CAMKK1: variants seen among roughly 807,000 people sequenced by gnomAD.
CAMKK1 encodes calcium/calmodulin dependent protein kinase kinase 1.
CAMKK1 carries 20 observed loss-of-function variants against 63.5 expected under a neutral mutation model. The observed-to-expected ratio is 0.32, with a 90% CI of 0.22 to 0.46. CAMKK1 has a LOEUF of 0.46. Ranked by LOEUF, CAMKK1 falls within the 20% of genes least tolerant of loss-of-function variation. The pLI, the probability that CAMKK1 is intolerant of heterozygous loss-of-function variation, is 1.00. For synonymous variants in CAMKK1, 253 were observed against 269.0 expected (o/e 0.94, Z 0.58); for missense variants, 588 against 658.1 (o/e 0.89, Z 1.17).
chr17:3,890,867 T>C lies in CAMKK1; in HGVS notation c.-44+2072A>G. 1.4e-6 allele frequency: 1 copy of C among 729,488 alleles called. No homozygotes were observed. 45.2% of individuals were successfully genotyped at this position (729,488 alleles called of 1,614,324 possible). On this transcript the variant is annotated intron_variant, in intron 1 of 15. Coordinates refer to ENST00000348335, the MANE Select transcript of CAMKK1 (RefSeq NM_032294.3). This position sits in a 1 kb window ranked among gnomAD's most constrained non-coding sequence, Gnocchi z 6.5. ...CTTGATCTCCCCACTACCTGCTGGG[T>C]GAGCTCACCAAGTCAAACCCCTTAG...
Position 3,883,788 on chromosome 17 carries a change from G to T in CAMKK1, c.462+96C>A, listed in dbSNP as rs2055520572. 9.6e-6 allele frequency: 12 copies of T among 1,245,322 alleles called. No homozygotes were observed. The South Asian group carries it at 1.1e-4, about 11-fold the overall frequency. The allele number at this position is 1,245,322 out of a possible 1,614,324, so 77.1% of individuals were successfully genotyped here. ...GGGACAGGGAGCTCACTCTCAGGCA[G>T]CCCTGTCCTCTATCTCCTAAGCACA... On this transcript the variant is annotated intron_variant, in intron 4 of 15. Coordinates refer to ENST00000348335, the MANE Select transcript of CAMKK1 (RefSeq NM_032294.3). The surrounding 1 kb of genome is among the most constrained non-coding windows in gnomAD (Gnocchi z 4.7).
rs769749999 is a variant in CAMKK1, at chr17:3,884,478, G to C, written c.361-51C>G. 25 of 1,568,896 alleles carry C rather than the reference G, an allele frequency of 1.6e-5. No homozygotes were observed. The highest frequency in any genetic ancestry group is 2.2e-5 in the Non-Finnish European group (25 of 1,143,448). On this transcript the variant is annotated intron_variant, in intron 2 of 15. Transcript: ENST00000348335. This position sits in a 1 kb window ranked among gnomAD's most constrained non-coding sequence, Gnocchi z 4.5. The stretch of plus-strand genomic sequence containing the variant: ...TGGAGCTGGGTCCGGAGGCAGCACT[G>C]CTCCTACCTCAGAGCCCGTTCAGGG...
intron 14 of CAMKK1, among the ~76,000 whole-genome samples, chr17:3,868,842 G>A (rs1447418434): frequency 3.3e-5 from 5 of 151,114 alleles, no homozygotes; most frequent in South Asian, 4.2e-4. Flanking sequence ...TTTAGTAGAG[G>A]TGGGGTTTCG....
Position 3,882,281 on chromosome 17 carries a change from C to T in CAMKK1, c.685+247G>A. ...CCTGAGCGCGCAGCCCACGTGGATC[C>T]ACTGTCTTGCTGCTCAGAGGGAAGC... is the stretch of plus-strand genomic sequence containing the variant. On this transcript the variant is annotated intron_variant, in intron 7 of 15. Transcript: ENST00000348335. The surrounding 1 kb of genome is among the most constrained non-coding windows in gnomAD (Gnocchi z 4.3). 6.2e-7 allele frequency: 1 copy of T among 1,614,024 alleles called. No individual in the cohort carries two copies. The highest frequency in any genetic ancestry group is 8.5e-7 in the Non-Finnish European group (1 of 1,179,926).
rs561293146 is a variant in CAMKK1, at chr17:3,887,108, C to T, written c.-43-1378G>A. Among the ~76,000 whole-genome samples the T allele has an allele frequency of 1.3e-5, 2 of 152,252 alleles. No homozygotes were observed. The highest frequency in any genetic ancestry group is 1.9e-4 in the East Asian group (1 of 5,172). On this transcript the variant is annotated intron_variant, in intron 1 of 15. Transcript: ENST00000348335. The surrounding 1 kb of genome is among the most constrained non-coding windows in gnomAD (Gnocchi z 6.1). ...CGAGGCAGGGCTGGCTGGAGTCCAC[C>T]GGCCACTGAGGAGCCAGGACTGGGT...
In CAMKK1 at chr17:3,882,418, C is replaced by G. The variant is rs769465104; in HGVS notation, c.685+110G>C. 1 of 1,585,652 alleles carries G rather than the reference C, an allele frequency of 6.3e-7. No individual in the cohort carries two copies. The highest frequency in any genetic ancestry group is 2.2e-5 in the East Asian group (1 of 44,704). ...TCAGAACGTGTGTTTTTCTTCTGTC[C>G]CCAGGAGGTCAGTGCATTTACACCG... On this transcript the variant is annotated intron_variant, in intron 7 of 15. Coordinates refer to ENST00000348335, the MANE Select transcript of CAMKK1 (RefSeq NM_032294.3). This position sits in a 1 kb window ranked among gnomAD's most constrained non-coding sequence, Gnocchi z 4.3.
In CAMKK1 at chr17:3,887,501, G is replaced by A. The variant is rs2055703729; in HGVS notation, c.-43-1771C>T. ...GAGGTGAAGGAGGTGAGGAGGCTGA[G>A]TGAGGCTAGAGTATCAGGGAGGCCT... On this transcript the variant is annotated intron_variant, in intron 1 of 15. Transcript: ENST00000348335. This position sits in a 1 kb window ranked among gnomAD's most constrained non-coding sequence, Gnocchi z 6.1. Among the ~76,000 whole-genome samples, 1 of 151,048 alleles carries A rather than the reference G, an allele frequency of 6.6e-6. No individual in the cohort carries two copies. The highest frequency in any genetic ancestry group is 2.4e-5 in the African/African-American group (1 of 41,012).
rs143787561 is a variant in CAMKK1, at chr17:3,892,846, A to AC, written c.-44+92dup. The AC allele has an allele frequency of 2.0e-3, 294 of 147,926 alleles. 1 individual carries two copies. The highest frequency in any genetic ancestry group is 5.0e-3 in the African/African-American group (203 of 40,520). 9.2% of individuals were successfully genotyped at this position (147,926 alleles called of 1,614,324 possible). A position where few individuals can be genotyped will look rare whatever the true frequency, so the allele number is the denominator to read the frequency against. On this transcript the variant is annotated intron_variant, in intron 1 of 15. Transcript: ENST00000348335. This position sits in a 1 kb window ranked among gnomAD's most constrained non-coding sequence, Gnocchi z 7.5. ...CTCCCTCGTAGACGCGGCCTGGCAG[A>AC]CCCCCCCCGCCTCTCCCTTGCAGGC... is the stretch of plus-strand genomic sequence containing the variant.
chr17:3,881,492 T>A, intron 8 of CAMKK1, 135 bp downstream of exon 8: 1 of 778,306 alleles, frequency 1.3e-6, no homozygotes, highest in East Asian at 2.8e-5. Context: ...CTTGGTCTCT[T>A]ATTTACCCCT....
At chr17:3,863,452 T>C (rs989580442) in intron 15 of CAMKK1, among the ~76,000 whole-genome samples, 2 of 152,202 alleles carry the variant, frequency 1.3e-5, no homozygotes, top group South Asian at 2.1e-4. Context: ...GAGTTGAGTT[T>C]GCGCCACTGC....
chr17:3,868,187 GCGCCGTCT>G lies in CAMKK1; in HGVS notation c.1341+1292_1341+1299del, dbSNP rs2054638397. ...TACGTGGGCTCTGGGGGAGAAGCAG[GCGCCGTCT>G]AACTGATACGTGGGCTCTGGGGGAG... is the stretch of plus-strand genomic sequence containing the variant. On this transcript the variant is annotated intron_variant, in intron 14 of 15. Transcript: ENST00000348335. Among the ~76,000 whole-genome samples the G allele has an allele frequency of 2.3e-3, 19 of 8,138 alleles. 6 individuals carry two copies. Among genetic ancestry groups the G allele is most frequent in the South Asian group, 0.01 (2 of 200 alleles). The allele number at this position is 8,138 out of a possible 152,430, so 5.3% of individuals were successfully genotyped here.
At chr17:3,864,399 A>C (rs1597435580) in intron 15 of CAMKK1, among the ~76,000 whole-genome samples, 1 of 151,958 alleles carries the variant, frequency 6.6e-6, no homozygotes, top group Non-Finnish European at 1.5e-5. Flanking sequence ...GGTGCCCGCC[A>C]CCACGCCCAG....
rs1311366940 is a variant in CAMKK1, at chr17:3,892,076, C to T, written c.-44+863G>A. On this transcript the variant is annotated intron_variant, in intron 1 of 15. Coordinates refer to ENST00000348335, the MANE Select transcript of CAMKK1 (RefSeq NM_032294.3). This position sits in a 1 kb window ranked among gnomAD's most constrained non-coding sequence, Gnocchi z 7.5. ...GCCAGCGCCACTTCCCTGGGATCCTCCAGCGCGCACAGGCTGTGTGCCCCT... is the reference window on the plus strand; with the variant it reads ...GCCAGCGCCACTTCCCTGGGATCCTTCAGCGCGCACAGGCTGTGTGCCCCT... Among the ~76,000 whole-genome samples the T allele has an allele frequency of 6.6e-6, 1 of 151,392 alleles. No homozygotes were observed.
chr17:3,867,812 G>GGGGCA (rs1233846888), intron 14 of CAMKK1, among the ~76,000 whole-genome samples: 1 of 152,184 alleles, frequency 6.6e-6, no homozygotes, highest in African/African-American at 2.4e-5. Flanking sequence ...CTGTCAGGCA[G>GGGGCA]GGGCAGGGCA....
rs1281594609 is a variant in CAMKK1, at chr17:3,869,678, G to A, written c.1213-63C>T. Reference sequence around the variant, plus strand: ...CAGGCCATTACCAGAATCACCTGGAGGGGTCCAAAGTCCACAGACTCAAAC... The same window carrying A: ...CAGGCCATTACCAGAATCACCTGGAAGGGTCCAAAGTCCACAGACTCAAAC... On this transcript the variant is annotated intron_variant, in intron 13 of 15. Coordinates refer to ENST00000348335, the MANE Select transcript of CAMKK1 (RefSeq NM_032294.3). The A allele has an allele frequency of 3.1e-6, 5 of 1,611,904 alleles. No homozygotes were observed. In the African/African-American group the frequency reaches 4.0e-5, roughly 13 times the overall value.
chr17:3,884,270 A>G lies in CAMKK1; in HGVS notation c.408+110T>C. 8.2e-7 allele frequency: 1 copy of G among 1,222,474 alleles called. No homozygotes were observed. Among genetic ancestry groups the G allele is most frequent in the Non-Finnish European group, 1.2e-6 (1 of 837,026 alleles). The allele number at this position is 1,222,474 out of a possible 1,614,324, so 75.7% of individuals were successfully genotyped here. On this transcript the variant is annotated intron_variant, in intron 3 of 15. Coordinates refer to ENST00000348335, the MANE Select transcript of CAMKK1 (RefSeq NM_032294.3). This position sits in a 1 kb window ranked among gnomAD's most constrained non-coding sequence, Gnocchi z 4.5. ...AGGGCACGAAACTGTCCTCACCTCC[A>G]GGCTAGGACTTGCCTGGCTCTGCCT... is the stretch of plus-strand genomic sequence containing the variant.
rs1000736647 is a variant in CAMKK1 at position 3,879,828 on chromosome 17, G to C, written c.796+518C>G. ...GTCCCTCCCACTAGGCCGTGAACTC[G>C]GGTCTGGGTCTTTCACCCCTATGCC... On this transcript the variant is annotated intron_variant, in intron 9 of 15. Coordinates refer to ENST00000348335, the MANE Select transcript of CAMKK1 (RefSeq NM_032294.3). This position sits in a 1 kb window ranked among gnomAD's most constrained non-coding sequence, Gnocchi z 4.5. 1 of 154,098 alleles carries C rather than the reference G, an allele frequency of 6.5e-6. No individual in the cohort carries two copies. The highest frequency in any genetic ancestry group is 2.4e-5 in the African/African-American group (1 of 41,476). 9.5% of individuals were successfully genotyped at this position (154,098 alleles called of 1,614,324 possible).
At chr17:3,864,480 C>T (rs997737902) in intron 15 of CAMKK1, among the ~76,000 whole-genome samples, 11 of 151,976 alleles carry the variant, frequency 7.2e-5, no homozygotes, top group Admixed American at 2.0e-4. Context: ...TCTCCTGACC[C>T]TGTGATCCAC....
intron 14 of CAMKK1, among the ~76,000 whole-genome samples, chr17:3,867,600 C>A (rs930491689): frequency 6.6e-6 from 1 of 152,126 alleles, no homozygotes; most frequent in African/African-American, 2.4e-5. Context: ...TAAGATCAGG[C>A]AAGTGGTCAT....
Sources: gnomAD v4.1 joint callset for allele counts (sites outside exome capture counted in the v4.1 genomes callset) on GRCh38, gnomAD v4.1.1 for gene constraint, Gnocchi (gnomAD v3.1) non-coding constraint, MANE v1.5 for transcripts, NCBI Gene and HGNC (gene_info 2026-07-23, HGNC 2026-07-21) for gene names.